The following POU3F3 variants were observed in gnomAD, a reference collection of about 807,000 sequenced individuals.
POU3F3 encodes POU domain, class 3, transcription factor 3.
A neutral mutation model predicts 8.6 loss-of-function variants in POU3F3; 1 was observed. That is an observed-to-expected ratio of 0.12 (90% CI 0.04 to 0.55). The LOEUF is 0.55. Among genes scored for constraint, POU3F3 ranks in the 20% least tolerant of loss-of-function variants. The pLI is 0.91. For synonymous variants in POU3F3, 418 were observed against 327.4 expected (o/e 1.28, Z -2.99); for missense variants, 577 against 690.7 (o/e 0.84, Z 1.84).
Position 104,855,600 on chromosome 2 carries a change from CGGCGGCGGGGGT to C in POU3F3, c.99_110del (p.Gly40_Gly43del), listed in dbSNP as rs1676540303. On this transcript the variant is annotated inframe_deletion, in exon 1 of 1. Coordinates refer to ENST00000361360, the MANE Select transcript of POU3F3 (RefSeq NM_006236.3). ...TGCACTCGGACGCGGCAGGGGCTGG[CGGCGGCGGGGGT>C]GGCGGCGGCGGCGGCGGCGGGGGCG... 6 of 924,326 alleles carry C rather than the reference CGGCGGCGGGGGT, an allele frequency of 6.5e-6. No homozygotes were observed. Among genetic ancestry groups the C allele is most frequent in the South Asian group, 4.8e-5 (1 of 20,696 alleles). 57.3% of individuals were successfully genotyped at this position (924,326 alleles called of 1,614,324 possible).
At chr2:104,869,351 C>T in the POU3F3 span, among the ~76,000 whole-genome samples, 3 of 152,216 alleles carry the variant, frequency 2.0e-5, no homozygotes, top group Non-Finnish European at 4.4e-5. Flanking sequence ...ACAAAGGAGG[C>T]CCTGAAGGGG....
At chr2:104,861,979 C>T (rs1433976469), downstream of POU3F3, among the ~76,000 whole-genome samples, 1 of 152,168 alleles carries the variant, frequency 6.6e-6, no homozygotes, top group Non-Finnish European at 1.5e-5. Context: ...GGAAATAGTG[C>T]GCAGGCTGGA....
the POU3F3 span, among the ~76,000 whole-genome samples, chr2:104,890,825 G>A: frequency 3.9e-5 from 6 of 152,222 alleles, no homozygotes; most frequent in East Asian, 1.9e-4. Context: ...CATCACGGAC[G>A]TTTGGAGTTC....
chr2:104,882,066 T>C, the POU3F3 span, among the ~76,000 whole-genome samples: 5 of 152,184 alleles, frequency 3.3e-5, no homozygotes, highest in African/African-American at 1.2e-4. Flanking sequence ...TAAAAGATTA[T>C]TACAGCAGAT....
the POU3F3 span, among the ~76,000 whole-genome samples, chr2:104,903,993 C>T: frequency 6.6e-6 from 1 of 152,276 alleles, no homozygotes; most frequent in Middle Eastern, 3.4e-3. Context: ...GATTCAGATT[C>T]TTAGCTGAAT....
At chr2:104,891,595 GA>G in the POU3F3 span, among the ~76,000 whole-genome samples, 3 of 152,182 alleles carry the variant, frequency 2.0e-5, no homozygotes, top group African/African-American at 7.2e-5. Context: ...AAATCCTGAA[GA>G]GGGGCTTCGG....
chr2:104,855,454 G>C lies in POU3F3; in HGVS notation c.-57G>C, dbSNP rs1208905341. ...GGCGGCGGCGGCGGCGGCCGCGGCT[G>C]CTGCTGCGGCGGCGGCGGCGGTGGT... On this transcript the variant is annotated 5_prime_UTR_variant, in exon 1 of 1. Transcript: ENST00000361360. 1 of 891,302 alleles carries C rather than the reference G, an allele frequency of 1.1e-6. No individual in the cohort carries two copies. Among genetic ancestry groups the C allele is most frequent in the African/African-American group, 1.9e-5 (1 of 52,470 alleles). The allele number at this position is 891,302 out of a possible 1,614,324, so 55.2% of individuals were successfully genotyped here.
chr2:104,876,132 A>G, the POU3F3 span, among the ~76,000 whole-genome samples: 2 of 152,238 alleles, frequency 1.3e-5, no homozygotes, highest in Non-Finnish European at 1.5e-5. Context: ...GGTTCTAATC[A>G]GAAGCTGGAA....
chr2:104,854,110 T>A (rs976542787), upstream of POU3F3, among the ~76,000 whole-genome samples: 1 of 151,076 alleles, frequency 6.6e-6, no homozygotes, highest in African/African-American at 2.4e-5. This position sits in a 1 kb window ranked among gnomAD's most constrained non-coding sequence, Gnocchi z 4.5. Context: ...CGGCGGAGGG[T>A]AAACATTCGA....
At chr2:104,882,206 G>A in the POU3F3 span, among the ~76,000 whole-genome samples, 1 of 149,964 alleles carries the variant, frequency 6.7e-6, no homozygotes, top group Non-Finnish European at 1.5e-5. Context: ...TCAGCTTTCT[G>A]ATTGGAAAAA....
the POU3F3 span, among the ~76,000 whole-genome samples, chr2:104,899,713 G>T: frequency 6.6e-6 from 1 of 152,330 alleles, no homozygotes; most frequent in East Asian, 1.9e-4. Flanking sequence ...GCCAACAAAG[G>T]TAATTATGTC....
the POU3F3 span, among the ~76,000 whole-genome samples, chr2:104,888,996 C>T: frequency 1.3e-5 from 2 of 152,224 alleles, no homozygotes; most frequent in Non-Finnish European, 2.9e-5. Flanking sequence ...ATAAGCTAAA[C>T]CTAGCCTCTC....
chr2:104,886,864 C>T, the POU3F3 span, among the ~76,000 whole-genome samples: 48 of 151,926 alleles, frequency 3.2e-4, no homozygotes, highest in African/African-American at 1.1e-3. Flanking sequence ...GCTGAGATCA[C>T]GCTATTGCAC....
the POU3F3 span, among the ~76,000 whole-genome samples, chr2:104,874,736 C>T: frequency 2.0e-5 from 3 of 152,286 alleles, no homozygotes; most frequent in South Asian, 2.1e-4. Flanking sequence ...TGTGTTTATA[C>T]GCAGATTAGA....
In POU3F3 at chr2:104,854,925, AAGG is replaced by A. The variant is rs1334891208; in HGVS notation, c.-583_-581del. Among the ~76,000 whole-genome samples, 4 of 152,224 alleles carry A rather than the reference AAGG, an allele frequency of 2.6e-5. No individual in the cohort carries two copies. The highest frequency in any genetic ancestry group is 2.1e-4 in the South Asian group (1 of 4,834). ...TCATCCGTAATTTGGCTAAGGAAGA[AAGG>A]AGCAGCTTCTTTCTTTGTTATCTCC... On this transcript the variant is annotated 5_prime_UTR_variant, in exon 1 of 1. Coordinates refer to ENST00000361360, the MANE Select transcript of POU3F3 (RefSeq NM_006236.3). The surrounding 1 kb of genome is among the most constrained non-coding windows in gnomAD (Gnocchi z 4.5).
In POU3F3 at chr2:104,856,113, C is replaced by A; in HGVS notation, c.603C>A (p.Ala201=). The A allele has an allele frequency of 8.9e-7, 1 of 1,128,192 alleles. No individual in the cohort carries two copies. The highest frequency in any genetic ancestry group is 1.1e-6 in the Non-Finnish European group (1 of 926,868). 69.9% of individuals were successfully genotyped at this position (1,128,192 alleles called of 1,614,324 possible). ...AAAAAAAAAA[A]AAAHLPSMAG... ...CCGCAGCCGCAGCCGCCGCCGCCGC[C>A]GCCGCCGCGCACCTCCCGTCCATGG... The change falls in exon 1 of 1, where the codon GCC becomes GCA. Residue 201 remains alanine (A), a synonymous_variant. Coordinates refer to ENST00000361360, the MANE Select transcript of POU3F3 (RefSeq NM_006236.3).
the POU3F3 span, among the ~76,000 whole-genome samples, chr2:104,888,491 G>C: frequency 2.0e-5 from 3 of 152,138 alleles, no homozygotes; most frequent in African/African-American, 7.2e-5. Context: ...TGTTGTTGTT[G>C]ATCGAGGATC....
downstream of POU3F3, among the ~76,000 whole-genome samples, chr2:104,858,737 C>T (rs1223682161): frequency 1.3e-5 from 2 of 152,204 alleles, no homozygotes; most frequent in African/African-American, 2.4e-5. Context: ...ATTGCTGAGA[C>T]AGCTAGTATT....
the POU3F3 span, among the ~76,000 whole-genome samples, chr2:104,911,668 C>T: frequency 3.3e-5 from 5 of 151,722 alleles, no homozygotes; most frequent in Non-Finnish European, 7.4e-5. Flanking sequence ...ATGAATTTAT[C>T]CATGAGTGTT....
Sources: gnomAD v4.1 joint callset for allele counts (sites outside exome capture counted in the v4.1 genomes callset) on GRCh38, gnomAD v4.1.1 for gene constraint, Gnocchi (gnomAD v3.1) non-coding constraint, MANE v1.5 for transcripts, NCBI Gene and HGNC (gene_info 2026-07-23, HGNC 2026-07-21) for gene names.